The following TNR variants were observed in gnomAD, a reference collection of about 807,000 sequenced individuals.
TNR encodes the protein tenascin R.
Under a neutral mutation model 150.4 loss-of-function variants are expected in TNR, and 45 were observed. The ratio of observed to expected loss-of-function variants is 0.30; its 90% CI spans 0.24 to 0.38. The LOEUF is 0.38. TNR is among the 10% of genes least tolerant of loss of function. The pLI is 1.00. For missense variants in TNR, 1,544 were observed against 1,759.1 expected, an observed-to-expected ratio of 0.88 and a Z score of 2.19; for synonymous variants, 687 against 678.4, an observed-to-expected ratio of 1.01 and a Z score of -0.20.
Position 175,526,023 on chromosome 1 carries a change from A to T in TNR, c.-64+2246T>A, listed in dbSNP as rs969115811. The stretch of plus-strand genomic sequence containing the variant: ...TCCACTTTTGCTGGTTTTTTTTTTT[A>T]AATTCCCCTTTCCCATTTTGCTTTT... On this transcript the variant is annotated intron_variant, in intron 2 of 22. Coordinates refer to ENST00000367674, the MANE Select transcript of TNR (RefSeq NM_003285.3). Among the ~76,000 whole-genome samples the T allele has an allele frequency of 1.2e-4, 18 of 147,250 alleles. No homozygotes were observed. The East Asian group carries it at 1.6e-3, about 13-fold the overall frequency.
intron 1 of TNR, among the ~76,000 whole-genome samples, chr1:175,555,861 A>G (rs1661137156): frequency 6.6e-6 from 1 of 152,216 alleles, no homozygotes; most frequent in Admixed American, 6.5e-5. Flanking sequence ...GCTCCTTCCA[A>G]CCATGAGTTG....
At chr1:175,478,689 T>C (rs1016843805) in intron 2 of TNR, among the ~76,000 whole-genome samples, 3 of 152,058 alleles carry the variant, frequency 2.0e-5, no homozygotes, top group African/African-American at 7.2e-5. Context: ...GGACAATCCA[T>C]GCCTGGCTCA....
At chr1:175,369,986 C>T (rs35603382) in intron 9 of TNR, among the ~76,000 whole-genome samples, 27,223 of 152,136 alleles carry the variant, frequency 0.18, 3,046 homozygotes, top group Non-Finnish European at 0.24. Flanking sequence ...GGTAGGCATT[C>T]GAATCAGCCC....
chr1:175,460,860 C>T (rs1656783056), intron 2 of TNR, among the ~76,000 whole-genome samples: 1 of 152,172 alleles, frequency 6.6e-6, no homozygotes, highest in East Asian at 1.9e-4. Flanking sequence ...GAGGAGTACC[C>T]ACACAGAAAC....
At chr1:175,450,413 C>A (rs962453319) in intron 2 of TNR, among the ~76,000 whole-genome samples, 1 of 152,172 alleles carries the variant, frequency 6.6e-6, no homozygotes, top group African/African-American at 2.4e-5. Context: ...CCTCTAAGAC[C>A]CAGCTCAGGG....
At chr1:175,436,834 T>C (rs1028636440) in intron 2 of TNR, among the ~76,000 whole-genome samples, 7 of 152,098 alleles carry the variant, frequency 4.6e-5, no homozygotes, top group Admixed American at 2.0e-4. Context: ...GAACTTACTA[T>C]CCTAAATATA....
chr1:175,718,296 A>AG (rs946308344), intron 1 of TNR, among the ~76,000 whole-genome samples: 7 of 152,126 alleles, frequency 4.6e-5, no homozygotes, highest in African/African-American at 1.7e-4. Context: ...TGCATTCCCC[A>AG]GCCTTCACTC....
At chr1:175,593,971 C>T (rs1283770306) in intron 1 of TNR, among the ~76,000 whole-genome samples, 1 of 152,152 alleles carries the variant, frequency 6.6e-6, no homozygotes, top group Admixed American at 6.5e-5. Context: ...CCATAAAAAG[C>T]CACATGGTAG....
intron 1 of TNR, among the ~76,000 whole-genome samples, chr1:175,736,332 T>C (rs529690825): frequency 1.3e-5 from 2 of 152,116 alleles, no homozygotes; most frequent in East Asian, 1.9e-4. Context: ...CCATCCTGGC[T>C]AACATGGTGA....
At chr1:175,506,963 T>C (rs1658980951) in intron 2 of TNR, among the ~76,000 whole-genome samples, 1 of 152,174 alleles carries the variant, frequency 6.6e-6, no homozygotes, top group African/African-American at 2.4e-5. Context: ...AAGCAGACCC[T>C]AACAGTATAG....
At chr1:175,691,561 C>A (rs1321612149) in intron 1 of TNR, among the ~76,000 whole-genome samples, 1 of 152,080 alleles carries the variant, frequency 6.6e-6, no homozygotes, top group Non-Finnish European at 1.5e-5. Context: ...CCAGCCCCTT[C>A]TTTCCAGGCC....
chr1:175,455,188 C>G (rs904270874), intron 2 of TNR, among the ~76,000 whole-genome samples: 1 of 152,184 alleles, frequency 6.6e-6, no homozygotes, highest in African/African-American at 2.4e-5. Context: ...CCCAAGAGCC[C>G]GAGCCTCCGG....
intron 1 of TNR, among the ~76,000 whole-genome samples, chr1:175,568,095 C>T (rs141174947): frequency 2.0e-5 from 3 of 152,326 alleles, no homozygotes; most frequent in African/African-American, 7.2e-5. Context: ...GCTCTTACAG[C>T]TGACAGATCA....
chr1:175,492,623 G>A (rs1407561072), intron 2 of TNR, among the ~76,000 whole-genome samples: 2 of 152,048 alleles, frequency 1.3e-5, no homozygotes, highest in Non-Finnish European at 2.9e-5. Flanking sequence ...GAGTTTGGAG[G>A]GTTAATGCTC....
chr1:175,498,091 CAAAAACAAAACA>C (rs1036014756), intron 2 of TNR, among the ~76,000 whole-genome samples: 2 of 151,770 alleles, frequency 1.3e-5, no homozygotes, highest in Non-Finnish European at 2.9e-5. Context: ...ACAACAACAA[CAAAAACAAAACA>C]AAAAACAAAC....
intron 1 of TNR, among the ~76,000 whole-genome samples, chr1:175,633,139 A>G (rs867586757): frequency 1.4e-4 from 22 of 152,294 alleles, no homozygotes; most frequent in Middle Eastern, 3.4e-3. Context: ...TTAGTGCTAC[A>G]CATACATCCA....
chr1:175,492,543 G>A (rs954423922), intron 2 of TNR, among the ~76,000 whole-genome samples: 18 of 152,244 alleles, frequency 1.2e-4, no homozygotes, highest in Non-Finnish European at 2.4e-4. Context: ...GAAAACGAGC[G>A]GTCACAGAGT....
At chr1:175,649,179 T>C (rs905756208) in intron 1 of TNR, among the ~76,000 whole-genome samples, 1 of 152,214 alleles carries the variant, frequency 6.6e-6, no homozygotes, top group Non-Finnish European at 1.5e-5. Context: ...TCAGCGGCTC[T>C]GCCTCCTAGC....
At chr1:175,385,930 C>G in intron 8 of TNR, 102 bp downstream of exon 8, 1 of 1,359,168 alleles carries the variant, frequency 7.4e-7, no homozygotes, top group South Asian at 1.5e-5. Context: ...TGCTCTGACA[C>G]ACCTTGCCTC....
Sources: gnomAD v4.1 joint callset for allele counts (sites outside exome capture counted in the v4.1 genomes callset) on GRCh38, gnomAD v4.1.1 for gene constraint, MANE v1.5 for transcripts, NCBI Gene and HGNC (gene_info 2026-07-23, HGNC 2026-07-21) for gene names.